The following TMEM132D variants were observed in gnomAD, a reference collection of about 807,000 sequenced individuals.
TMEM132D encodes the protein transmembrane protein 132D.
A neutral mutation model predicts 62.3 loss-of-function variants in TMEM132D; 21 were observed. That is an observed-to-expected ratio of 0.34 (90% CI 0.24 to 0.49). TMEM132D has a LOEUF of 0.49. Among genes scored for constraint, TMEM132D ranks in the 20% least tolerant of loss-of-function variants. TMEM132D has a pLI of 0.99. For missense variants in TMEM132D, 1,346 were observed against 1,402.8 expected (o/e 0.96, Z 0.65); for synonymous variants, 621 against 575.6 (o/e 1.08, Z -1.13).
intron 5 of TMEM132D, among the ~76,000 whole-genome samples, chr12:129,114,431 TCCTC>T (rs557229835): frequency 2.1e-3 from 305 of 147,660 alleles, no homozygotes; most frequent in African/African-American, 7.1e-3. Context: ...CTTCCCTCCT[TCCTC>T]CCTCCCTCCC....
chr12:129,407,099 T>G (rs1871813755), intron 3 of TMEM132D, among the ~76,000 whole-genome samples: 1 of 152,244 alleles, frequency 6.6e-6, no homozygotes, highest in African/African-American at 2.4e-5. Flanking sequence ...AAAAGAAATT[T>G]TTAAAGCTTT....
chr12:129,898,961 C>T (rs1875240827), intron 1 of TMEM132D, among the ~76,000 whole-genome samples: 1 of 152,230 alleles, frequency 6.6e-6, no homozygotes, highest in African/African-American at 2.4e-5. Flanking sequence ...GTATGAGGCA[C>T]TTTGACATCT....
chr12:129,807,726 G>A (rs1872038686), intron 1 of TMEM132D, among the ~76,000 whole-genome samples: 2 of 152,136 alleles, frequency 1.3e-5, no homozygotes, highest in Admixed American at 6.5e-5. Context: ...TTCTGATTAG[G>A]TTCGGCCAAT....
chr12:129,376,996 C>T (rs7295361), intron 3 of TMEM132D, among the ~76,000 whole-genome samples: 34,087 of 152,112 alleles, frequency 0.22, 4,071 homozygotes, highest in Non-Finnish European at 0.27. Context: ...CTTGCGTTTG[C>T]TCAGTGGAAT....
intron 2 of TMEM132D, among the ~76,000 whole-genome samples, chr12:129,577,255 G>A (rs1194817655): frequency 1.3e-5 from 2 of 151,778 alleles, no homozygotes; most frequent in South Asian, 2.1e-4. Flanking sequence ...ACAACTCTCA[G>A]GCTTGCCAAA....
chr12:129,139,698 A>C (rs1876681096), intron 5 of TMEM132D, among the ~76,000 whole-genome samples: 1 of 152,136 alleles, frequency 6.6e-6, no homozygotes, highest in Admixed American at 6.5e-5. Context: ...CATCATAATA[A>C]TTATTATTAT....
At chr12:129,164,371 T>C (rs1593281936) in intron 5 of TMEM132D, among the ~76,000 whole-genome samples, 2 of 152,200 alleles carry the variant, frequency 1.3e-5, no homozygotes, top group Admixed American at 1.3e-4. Context: ...CCCACCATAA[T>C]GGCTGCAATT....
At chr12:129,244,253 G>A (rs1390307949) in intron 4 of TMEM132D, among the ~76,000 whole-genome samples, 4 of 151,828 alleles carry the variant, frequency 2.6e-5, no homozygotes, top group Non-Finnish European at 5.9e-5. Flanking sequence ...GGGTGTGGTG[G>A]CGGGCGCCTG....
At chr12:129,626,538 A>T (rs764502014) in intron 2 of TMEM132D, among the ~76,000 whole-genome samples, 1 of 151,914 alleles carries the variant, frequency 6.6e-6, no homozygotes, top group African/African-American at 2.4e-5. Context: ...GCTCACTGCA[A>T]CCTCTGCTTT....
rs1336497013 is a variant in TMEM132D at position 129,357,090 on chromosome 12, A to G, written c.1116-19273T>C. 2.7e-5 allele frequency among the ~76,000 whole-genome samples: 4 copies of G among 150,636 alleles called. No individual in the cohort carries two copies. The South Asian group carries it at 8.5e-4, about 32-fold the overall frequency. On this transcript the variant is annotated intron_variant, in intron 3 of 8. Transcript: ENST00000422113. ...TGAAACCCCGTCTCTACTAAAAAAC[A>G]CAAAAAGTTAGCTGGGCATGGTGGC...
At chr12:129,180,203 G>T (rs995791770) in intron 5 of TMEM132D, among the ~76,000 whole-genome samples, 2 of 141,876 alleles carry the variant, frequency 1.4e-5, no homozygotes, top group Non-Finnish European at 3.1e-5. Context: ...AAGCAGCACA[G>T]ATAGTGGGGA....
chr12:129,491,899 G>A (rs1874806110), intron 3 of TMEM132D, among the ~76,000 whole-genome samples: 1 of 151,646 alleles, frequency 6.6e-6, no homozygotes. Flanking sequence ...CTGAGATCGT[G>A]CCACTGCACT....
intron 2 of TMEM132D, among the ~76,000 whole-genome samples, chr12:129,599,712 A>T (rs1261815241): frequency 1.3e-5 from 2 of 152,168 alleles, no homozygotes; most frequent in Non-Finnish European, 2.9e-5. Flanking sequence ...TGAGTCACAC[A>T]TTTTTTGGTT....
intron 4 of TMEM132D, among the ~76,000 whole-genome samples, chr12:129,266,006 T>C (rs1880681958): frequency 6.6e-6 from 1 of 152,088 alleles, no homozygotes; most frequent in Non-Finnish European, 1.5e-5. Flanking sequence ...AGGTGCCCAA[T>C]AAATAGGTGC....
At chr12:129,266,090 C>A (rs961115323) in intron 4 of TMEM132D, among the ~76,000 whole-genome samples, 4 of 151,048 alleles carry the variant, frequency 2.6e-5, no homozygotes, top group East Asian at 2.0e-4. Context: ...ATGTAGACTT[C>A]TCTTGTGAAG....
At chr12:129,251,125 A>C (rs61947084) in intron 4 of TMEM132D, among the ~76,000 whole-genome samples, 33,390 of 151,964 alleles carry the variant, frequency 0.22, 3,876 homozygotes, top group Middle Eastern at 0.26. Context: ...TGGGAGGCTG[A>C]GGTGGGTGGG....
At chr12:129,080,735 A>G (rs2135614064) in intron 7 of TMEM132D, among the ~76,000 whole-genome samples, 1 of 152,340 alleles carries the variant, frequency 6.6e-6, no homozygotes, top group Admixed American at 6.5e-5. Flanking sequence ...CAGACACGCA[A>G]TATGTCCAGG....
intron 2 of TMEM132D, among the ~76,000 whole-genome samples, chr12:129,566,900 T>C (rs947789565): frequency 2.0e-5 from 3 of 152,218 alleles, no homozygotes; most frequent in Admixed American, 6.5e-5. Context: ...TTTCAACAAA[T>C]TGCCAGTCAG....
rs1381891300 is a variant in TMEM132D at position 129,512,677 on chromosome 12, A to G, written c.1115+18382T>C. On this transcript the variant is annotated intron_variant, in intron 3 of 8. Coordinates refer to ENST00000422113, the MANE Select transcript of TMEM132D (RefSeq NM_133448.3). ...CTAGGGGCTAGGTGCTCTGTTTCCA[A>G]CGAGGCTCACTTATGTTTCTGGTCA... 2.0e-5 allele frequency among the ~76,000 whole-genome samples: 3 copies of G among 152,196 alleles called. No individual in the cohort carries two copies. The East Asian group carries it at 5.8e-4, about 29-fold the overall frequency.
Sources: allele counts gnomAD v4.1 joint callset (sites outside exome capture counted in the v4.1 genomes callset), GRCh38; gene constraint gnomAD v4.1.1; transcripts MANE v1.5; gene names NCBI Gene and HGNC (gene_info 2026-07-23, HGNC 2026-07-21).